The following SEMA4D variants were observed in gnomAD, a reference collection of about 807,000 sequenced individuals.
SEMA4D encodes the protein semaphorin-4D.
In SEMA4D, 22 loss-of-function variants were observed where a neutral mutation model predicts 74.8. The observed-to-expected ratio is 0.29, with a 90% CI of 0.21 to 0.42. SEMA4D has a LOEUF of 0.42. Ranked by LOEUF, SEMA4D falls within the 10% of genes least tolerant of loss-of-function variation. SEMA4D has a pLI of 1.00. For missense variants in SEMA4D, 937 were observed against 1,118.4 expected, an observed-to-expected ratio of 0.84 and a Z score of 2.31; for synonymous variants, 445 against 463.7, an observed-to-expected ratio of 0.96 and a Z score of 0.52.
At chr9:89,450,109 G>A in intron 2 of SEMA4D, 1 of 1,240,072 alleles carries the variant, frequency 8.1e-7, no homozygotes, top group South Asian at 1.2e-5. Flanking sequence ...CCAATAGAAG[G>A]TATGCTGTCA....
Position 89,381,456 on chromosome 9 carries a change from G to T in SEMA4D, c.1447-110C>A. On this transcript the variant is annotated intron_variant, in intron 13 of 15. Coordinates refer to ENST00000422704, the MANE Select transcript of SEMA4D (RefSeq NM_001371194.2). This position sits in a 1 kb window ranked among gnomAD's most constrained non-coding sequence, Gnocchi z 4.6. ...AAGCAGCCAGAGTGTACCTTCAGGG[G>T]ACATTGCAGTAAGGAGGAGAGGTAC... is the stretch of plus-strand genomic sequence containing the variant. The T allele has an allele frequency of 9.3e-7, 1 of 1,079,546 alleles. No individual in the cohort carries two copies. The highest frequency in any genetic ancestry group is 1.3e-6 in the Non-Finnish European group (1 of 770,772). 66.9% of individuals were successfully genotyped at this position (1,079,546 alleles called of 1,614,324 possible). A position where few individuals can be genotyped will look rare whatever the true frequency, so the allele number is the denominator to read the frequency against.
At chr9:89,478,432 G>A (rs1862304295) in intron 1 of SEMA4D, among the ~76,000 whole-genome samples, 1 of 152,096 alleles carries the variant, frequency 6.6e-6, no homozygotes, top group African/African-American at 2.4e-5. Flanking sequence ...AGAGCCTCAG[G>A]GGAGTGTGGC....
At chr9:89,450,687 A>AAAAAAAAAAAAAAAT in intron 2 of SEMA4D, 3 of 982,314 alleles carry the variant, frequency 3.1e-6, no homozygotes, top group Non-Finnish European at 3.0e-6. Context: ...AAAAAAAAAA[A>AAAAAAAAAAAAAAAT]GGCCTCCAAG....
At chr9:89,376,978 C>T (rs1000984819), downstream of SEMA4D, 6 of 1,550,142 alleles carry the variant, frequency 3.9e-6, no homozygotes, top group Middle Eastern at 1.7e-4. Context: ...GAGAGGAAAG[C>T]CTCCTGTCCC....
chr9:89,470,650 G>C (rs1439929696), intron 1 of SEMA4D, among the ~76,000 whole-genome samples: 2 of 151,932 alleles, frequency 1.3e-5, no homozygotes, highest in African/African-American at 2.4e-5. Flanking sequence ...CATGTTCATA[G>C]AAAAGCTCAT....
intron 2 of SEMA4D, 140 bp from the exon 3 acceptor site, chr9:89,405,839 G>A: frequency 7.8e-7 from 1 of 1,288,930 alleles, no homozygotes; most frequent in South Asian, 2.8e-5. Flanking sequence ...GGGGGACAAA[G>A]AGAGTCTTAG....
Position 89,397,538 on chromosome 9 carries a change from A to G in SEMA4D, c.316-703T>C, listed in dbSNP as rs75902938. 7.5e-3 allele frequency among the ~76,000 whole-genome samples: 1,142 copies of G among 152,326 alleles called. 16 individuals are homozygous for G. Among genetic ancestry groups the G allele is most frequent in the African/African-American group, 0.026 (1,069 of 41,568 alleles). On this transcript the variant is annotated intron_variant, in intron 5 of 15. Transcript: ENST00000422704. ...CAAAGATACCATTTCAGAACCCACTATTTTAGGCTAAAAGTACTTGCGTTA... is the reference window on the plus strand; with the variant it reads ...CAAAGATACCATTTCAGAACCCACTGTTTTAGGCTAAAAGTACTTGCGTTA...
rs554782927 is a variant in SEMA4D, at chr9:89,419,679, G to A, written c.-243-13980C>T. 3.8e-3 allele frequency among the ~76,000 whole-genome samples: 577 copies of A among 152,298 alleles called. 4 individuals are homozygous for A. The highest frequency in any genetic ancestry group is 0.017 in the Middle Eastern group (5 of 294). On this transcript the variant is annotated intron_variant, in intron 2 of 15. Transcript: ENST00000422704. The stretch of plus-strand genomic sequence containing the variant: ...TGTAATCCCAACACTTTAGGAGGCC[G>A]AGGCGGGTGGATCACTTGAGGTCAG...
At chr9:89,411,917 C>A (rs1171062799) in intron 2 of SEMA4D, among the ~76,000 whole-genome samples, 1 of 152,230 alleles carries the variant, frequency 6.6e-6, no homozygotes, top group Admixed American at 6.5e-5. Flanking sequence ...ATGTGGCCAG[C>A]CTCTTCCACT....
chr9:89,476,329 G>C (rs932339578), intron 1 of SEMA4D, among the ~76,000 whole-genome samples: 1 of 152,250 alleles, frequency 6.6e-6, no homozygotes, highest in Non-Finnish European at 1.5e-5. Flanking sequence ...GCACTGACCA[G>C]TGTGATGGCT....
At chr9:89,427,034 T>C (rs1290481219) in intron 2 of SEMA4D, among the ~76,000 whole-genome samples, 1 of 152,160 alleles carries the variant, frequency 6.6e-6, no homozygotes, top group East Asian at 1.9e-4. Context: ...AGAATTTCAA[T>C]CAATTTCTAT....
intron 1 of SEMA4D, among the ~76,000 whole-genome samples, chr9:89,493,460 G>A (rs78043830): frequency 0.016 from 2,394 of 152,282 alleles, 35 homozygotes; most frequent in Non-Finnish European, 0.026. Context: ...GGGACACACC[G>A]GTCAGGAACA....
At chr9:89,371,917 T>G (rs878924853) in intron 16 of SEMA4D, among the ~76,000 whole-genome samples, 6 of 11,798 alleles carry the variant, frequency 5.1e-4, no homozygotes, top group Admixed American at 2.5e-3. Flanking sequence ...GTGTGGTGTG[T>G]GGGGTGTGGT....
chr9:89,446,238 GAGA>G (rs1034888999), intron 2 of SEMA4D, among the ~76,000 whole-genome samples: 2 of 152,170 alleles, frequency 1.3e-5, no homozygotes, highest in African/African-American at 4.8e-5. Flanking sequence ...TGCTGCCTCT[GAGA>G]AGAACACTTG....
chr9:89,394,886 T>C (rs1840601867), intron 6 of SEMA4D, among the ~76,000 whole-genome samples: 1 of 152,300 alleles, frequency 6.6e-6, no homozygotes, highest in Admixed American at 6.5e-5. Flanking sequence ...TTCTTAGATA[T>C]AATGATAAAA....
chr9:89,401,044 A>G (rs1242152905), intron 4 of SEMA4D, among the ~76,000 whole-genome samples: 2 of 152,194 alleles, frequency 1.3e-5, no homozygotes, highest in East Asian at 3.9e-4. Flanking sequence ...AGTGCCTCAC[A>G]GTGCTGAATA....
At chr9:89,409,249 G>A (rs1250696942) in intron 2 of SEMA4D, among the ~76,000 whole-genome samples, 3 of 152,216 alleles carry the variant, frequency 2.0e-5, no homozygotes, top group Non-Finnish European at 4.4e-5. Flanking sequence ...ACAGTAAAAA[G>A]ATCAGTGGTT....
At chr9:89,447,193 G>A (rs1444745302) in intron 2 of SEMA4D, among the ~76,000 whole-genome samples, 2 of 152,070 alleles carry the variant, frequency 1.3e-5, no homozygotes, top group African/African-American at 4.8e-5. Context: ...AGCAGGTTCA[G>A]ACATGTCTCT....
At chr9:89,426,407 C>T (rs145128761) in intron 2 of SEMA4D, among the ~76,000 whole-genome samples, 222 of 152,314 alleles carry the variant, frequency 1.5e-3, no homozygotes, top group Middle Eastern at 3.4e-3. Context: ...ATAGAGTCAA[C>T]AGGGAACCTA....
Sources: gnomAD v4.1 joint callset for allele counts (sites outside exome capture counted in the v4.1 genomes callset) on GRCh38, gnomAD v4.1.1 for gene constraint, Gnocchi (gnomAD v3.1) non-coding constraint, MANE v1.5 for transcripts, NCBI Gene and HGNC (gene_info 2026-07-23, HGNC 2026-07-21) for gene names.